Variants in GSG1L observed in about 807,000 individuals in gnomAD.
GSG1L encodes germ cell-specific gene 1-like protein.
Under a neutral mutation model 42.1 loss-of-function variants are expected in GSG1L, and 24 were observed. The ratio of observed to expected loss-of-function variants is 0.57; its 90% CI spans 0.41 to 0.80. The LOEUF (loss-of-function observed/expected upper bound fraction) is 0.80, where lower values mean the gene tolerates loss of function less well. Among genes scored for constraint, GSG1L ranks in the 30% least tolerant of loss-of-function variants. GSG1L has a pLI of 0.00. For synonymous variants in GSG1L, 215 were observed against 203.5 expected (o/e 1.06, Z -0.48); for missense variants, 445 against 472.2 (o/e 0.94, Z 0.53).
intron 1 of GSG1L, among the ~76,000 whole-genome samples, chr16:28,037,360 A>G (rs1385023018): frequency 6.6e-6 from 1 of 152,228 alleles, no homozygotes; most frequent in Non-Finnish European, 1.5e-5. Flanking sequence ...CTTAATTCTT[A>G]GAACCACAAG....
chr16:27,852,342 C>T (rs2083524844), intron 3 of GSG1L, among the ~76,000 whole-genome samples: 2 of 152,034 alleles, frequency 1.3e-5, no homozygotes, highest in Non-Finnish European at 2.9e-5. Context: ...TGCTGTGCTT[C>T]AGGCTTTTCC....
intron 2 of GSG1L, among the ~76,000 whole-genome samples, chr16:27,950,666 C>T (rs1475451620): frequency 1.3e-5 from 2 of 152,076 alleles, no homozygotes; most frequent in African/African-American, 4.8e-5. Flanking sequence ...TGACCTAAAC[C>T]TGCTGTGTGA....
intron 2 of GSG1L, among the ~76,000 whole-genome samples, chr16:27,907,104 T>C (rs1596603371): frequency 6.6e-6 from 1 of 152,192 alleles, no homozygotes; most frequent in South Asian, 2.1e-4. Context: ...GCTGGGCCAA[T>C]CAGAGCTAGA....
In GSG1L at chr16:27,828,826, A is replaced by G; in HGVS notation, c.793T>C (p.Phe265Leu). The G allele has an allele frequency of 6.2e-7, 1 of 1,614,132 alleles. No homozygotes were observed. Among genetic ancestry groups the G allele is most frequent in the Non-Finnish European group, 8.5e-7 (1 of 1,180,004 alleles). The change falls in exon 5 of 7, where the codon TTC becomes CTC. Residue 265 changes from phenylalanine (F) to leucine (L), a missense_variant. Around this residue, in one of 3 missense-constraint regions of GSG1L, gnomAD observed 140 missense variants for 120.6 expected, o/e 1.16. Coordinates refer to ENST00000447459, the MANE Select transcript of GSG1L (RefSeq NM_001109763.2). Reference sequence around the variant, plus strand: ...TACTTGATGGCCTCAGGGTCTATGAAGGTCGGCTCTTCCCGGTAGCCCTGC... The same window carrying G: ...TACTTGATGGCCTCAGGGTCTATGAGGGTCGGCTCTTCCCGGTAGCCCTGC... The part of the protein sequence containing the change: ...FEQGYREEPT[F>L]IDPEAIKYFR...
chr16:27,954,809 A>G (rs535001350), intron 2 of GSG1L, among the ~76,000 whole-genome samples: 2 of 152,066 alleles, frequency 1.3e-5, no homozygotes, highest in Non-Finnish European at 2.9e-5. Flanking sequence ...ACACACCACC[A>G]TGTCCAGTTA....
chr16:27,969,510 C>T (rs1453199561), intron 1 of GSG1L, among the ~76,000 whole-genome samples: 1 of 152,214 alleles, frequency 6.6e-6, no homozygotes, highest in African/African-American at 2.4e-5. Context: ...TACCTTCTTT[C>T]ACTTAGAATA....
At chr16:28,010,111 C>T (rs2085697538) in intron 1 of GSG1L, among the ~76,000 whole-genome samples, 1 of 152,144 alleles carries the variant, frequency 6.6e-6, no homozygotes, top group South Asian at 2.1e-4. Flanking sequence ...CCGGGAACTC[C>T]TTGGGAAATC....
chr16:28,002,437 G>A (rs1402339440), intron 1 of GSG1L, among the ~76,000 whole-genome samples: 2 of 152,138 alleles, frequency 1.3e-5, no homozygotes, highest in Non-Finnish European at 2.9e-5. Flanking sequence ...CCTGGGCAAC[G>A]TGGCAAGATC....
intron 2 of GSG1L, among the ~76,000 whole-genome samples, chr16:27,914,687 A>C (rs11859739): frequency 0.17 from 25,814 of 151,892 alleles, 3,872 homozygotes; most frequent in African/African-American, 0.4. Context: ...CCATGCCTGG[A>C]TAATTTAGGA....
At chr16:27,982,362 C>T (rs907240812) in intron 1 of GSG1L, among the ~76,000 whole-genome samples, 1 of 152,184 alleles carries the variant, frequency 6.6e-6, no homozygotes, top group African/African-American at 2.4e-5. Flanking sequence ...TATTTCCCAG[C>T]ATCCCCCGCA....
At chr16:27,852,466 G>T (rs1185630620) in intron 3 of GSG1L, among the ~76,000 whole-genome samples, 1 of 152,092 alleles carries the variant, frequency 6.6e-6, no homozygotes, top group Non-Finnish European at 1.5e-5. Flanking sequence ...CCCGGGGTCT[G>T]TGGGGTGGGG....
At chr16:27,812,968 C>G (rs1475169396) in intron 5 of GSG1L, among the ~76,000 whole-genome samples, 1 of 151,936 alleles carries the variant, frequency 6.6e-6, no homozygotes, top group Non-Finnish European at 1.5e-5. Context: ...TTAGTAGAGA[C>G]GGGGTTTCAC....
chr16:27,810,882 C>G (rs2083023286), intron 5 of GSG1L, among the ~76,000 whole-genome samples: 1 of 152,034 alleles, frequency 6.6e-6, no homozygotes, highest in African/African-American at 2.4e-5. Context: ...AGATGGGGGT[C>G]TCGCCATGTT....
intron 2 of GSG1L, among the ~76,000 whole-genome samples, chr16:27,941,323 A>C (rs2084791806): frequency 6.6e-6 from 1 of 151,686 alleles, no homozygotes; most frequent in Non-Finnish European, 1.5e-5. Context: ...AAAAACAAAC[A>C]CTGTGATTCA....
intron 1 of GSG1L, among the ~76,000 whole-genome samples, chr16:27,966,703 C>T (rs1007949352): frequency 6.6e-6 from 1 of 152,160 alleles, no homozygotes; most frequent in African/African-American, 2.4e-5. Flanking sequence ...CAAATCATGG[C>T]CCAACTTCTA....
At chr16:28,057,285 C>T (rs1033121697) in intron 1 of GSG1L, among the ~76,000 whole-genome samples, 1 of 152,078 alleles carries the variant, frequency 6.6e-6, no homozygotes, top group African/African-American at 2.4e-5. Flanking sequence ...GCAGGGGGAG[C>T]TGCGGGGCAA....
chr16:27,931,794 G>A (rs962125830), intron 2 of GSG1L, among the ~76,000 whole-genome samples: 7 of 152,292 alleles, frequency 4.6e-5, no homozygotes, highest in Middle Eastern at 3.4e-3. Context: ...AAACAAGCTC[G>A]TTGTCTATCA....
intron 2 of GSG1L, among the ~76,000 whole-genome samples, chr16:27,933,946 G>A (rs1353162138): frequency 6.6e-6 from 1 of 152,188 alleles, no homozygotes; most frequent in East Asian, 1.9e-4. Context: ...CCTCCACGGG[G>A]AGGATGAAGG....
At chr16:27,817,605 C>T (rs1316519764) in intron 5 of GSG1L, among the ~76,000 whole-genome samples, 1 of 152,118 alleles carries the variant, frequency 6.6e-6, no homozygotes, top group South Asian at 2.1e-4. Context: ...ATCCTCCACC[C>T]ACCTCGGCCT....
Sources: gnomAD v4.1 joint callset for allele counts (sites outside exome capture counted in the v4.1 genomes callset) on GRCh38, gnomAD v4.1.1 for gene constraint, gnomAD v4.1.1 regional missense constraint, MANE v1.5 for transcripts, NCBI Gene and HGNC (gene_info 2026-07-23, HGNC 2026-07-21) for gene names.